ATRN: variants seen among roughly 807,000 people sequenced by gnomAD.
The protein encoded by ATRN is attractin-2.
ATRN carries 54 observed loss-of-function variants against 178.7 expected under a neutral mutation model. The ratio of observed to expected loss-of-function variants is 0.30; its 90% CI spans 0.24 to 0.38. ATRN has a LOEUF of 0.38. Ranked by LOEUF, ATRN falls within the 10% of genes least tolerant of loss-of-function variation. The probability of loss-of-function intolerance (pLI) is 1.00; values close to 1 mark genes in which losing one functional copy is unlikely to be tolerated. For synonymous variants in ATRN, 636 were observed against 663.0 expected (o/e 0.96, Z 0.63); for missense variants, 1,443 against 1,815.1 (o/e 0.79, Z 3.73).
At chr20:3,507,872 C>T (rs151249064) in intron 1 of ATRN, among the ~76,000 whole-genome samples, 5 of 151,528 alleles carry the variant, frequency 3.3e-5, no homozygotes, top group Admixed American at 1.3e-4. Context: ...TAGTGAAATA[C>T]GAAAATTAGT....
At chr20:3,569,355 C>CTGTA (rs2086083929) in intron 11 of ATRN, among the ~76,000 whole-genome samples, 5 of 152,086 alleles carry the variant, frequency 3.3e-5, no homozygotes, top group Admixed American at 3.3e-4. Flanking sequence ...ATACTCAATA[C>CTGTA]TGTAGGTCAT....
intron 1 of ATRN, among the ~76,000 whole-genome samples, chr20:3,475,543 C>T (rs189754951): frequency 3.2e-4 from 49 of 152,326 alleles, no homozygotes; most frequent in African/African-American, 1.1e-3. Flanking sequence ...ATTTCTAAGG[C>T]AGTACCACTT....
Position 3,628,129 on chromosome 20 carries a change from G to A in ATRN, c.3863+3557G>A, listed in dbSNP as rs991672556. Reference sequence around the variant, plus strand: ...AGAGCTTGCTGTGAGCCGAGATCGCGCCACTGCACTCCAACCTGGGCAACA... The same window carrying A: ...AGAGCTTGCTGTGAGCCGAGATCGCACCACTGCACTCCAACCTGGGCAACA... On this transcript the variant is annotated intron_variant, in intron 25 of 28. Transcript: ENST00000262919. Among the ~76,000 whole-genome samples, 6 of 152,200 alleles carry A rather than the reference G, an allele frequency of 3.9e-5. No individual in the cohort carries two copies. In the South Asian group the frequency reaches 1.0e-3, roughly 26 times the overall value.
intron 1 of ATRN, among the ~76,000 whole-genome samples, chr20:3,522,377 T>C (rs565077455): frequency 1.7e-4 from 26 of 152,308 alleles, no homozygotes. Flanking sequence ...TCCTTCTCTC[T>C]GGGCAGGGCA....
intron 24 of ATRN, chr20:3,615,848 A>G (rs745898568): frequency 8.8e-5 from 40 of 454,420 alleles, no homozygotes; most frequent in Non-Finnish European, 1.6e-4. Flanking sequence ...AACAATGAGG[A>G]CGCATGGACA....
intron 6 of ATRN, among the ~76,000 whole-genome samples, chr20:3,551,721 C>T (rs1211083501): frequency 2.0e-5 from 3 of 151,978 alleles, no homozygotes; most frequent in Non-Finnish European, 4.4e-5. Context: ...ACCACCTTTC[C>T]TTCTGTTTTC....
intron 16 of ATRN, 79 bp from the exon 17 acceptor site, chr20:3,583,817 AAG>A: frequency 2.1e-6 from 3 of 1,405,968 alleles, no homozygotes; most frequent in South Asian, 2.7e-5. Context: ...AAAAAAAAAA[AAG>A]AAAAGAAAGA....
intron 25 of ATRN, among the ~76,000 whole-genome samples, chr20:3,626,231 CAAAAAA>C (rs3084195): frequency 1.3e-4 from 13 of 99,538 alleles, no homozygotes; most frequent in African/African-American, 4.2e-4. Flanking sequence ...GACCCTGTCT[CAAAAAA>C]AAAAAAAAAA....
In ATRN at chr20:3,632,881, C is replaced by G. The variant is rs2086999044; in HGVS notation, c.3864-1430C>G. ...GACAATGTAGGCCAGTCACGTGAGG[C>G]CTGTAATCTTTGCCAAGGCAGGCAG... is the stretch of plus-strand genomic sequence containing the variant. On this transcript the variant is annotated intron_variant, in intron 25 of 28. Transcript: ENST00000262919. The surrounding 1 kb of genome is among the most constrained non-coding windows in gnomAD (Gnocchi z 4.2). 1.3e-5 allele frequency among the ~76,000 whole-genome samples: 2 copies of G among 152,184 alleles called. No homozygotes were observed. The highest frequency in any genetic ancestry group is 4.8e-5 in the African/African-American group (2 of 41,432).
intron 24 of ATRN, among the ~76,000 whole-genome samples, chr20:3,617,400 A>G (rs960857930): frequency 2.0e-5 from 3 of 152,162 alleles, no homozygotes; most frequent in Admixed American, 6.5e-5. Context: ...GATCATAGGG[A>G]AAGTAAGTGT....
chr20:3,482,697 A>C (rs1568679848), intron 1 of ATRN, among the ~76,000 whole-genome samples: 1 of 152,188 alleles, frequency 6.6e-6, no homozygotes, highest in Non-Finnish European at 1.5e-5. Context: ...CTTATATATA[A>C]ATATCATTGT....
intron 1 of ATRN, among the ~76,000 whole-genome samples, chr20:3,503,789 G>A (rs1364077265): frequency 6.6e-6 from 1 of 152,276 alleles, no homozygotes; most frequent in East Asian, 1.9e-4. Flanking sequence ...GTCTAAAAGA[G>A]TGTTTGAAAG....
chr20:3,615,805 A>G (rs768134258), intron 24 of ATRN: 1 of 455,054 alleles, frequency 2.2e-6, no homozygotes, highest in South Asian at 1.6e-5. Flanking sequence ...AAAAAACTGA[A>G]CACCGCTTGT....
chr20:3,581,987 C>A, intron 15 of ATRN, 148 bp from the exon 16 acceptor site: 1 of 681,900 alleles, frequency 1.5e-6, no homozygotes, highest in Non-Finnish European at 2.5e-6. Flanking sequence ...TGCCTATAAT[C>A]TCAACATTTT....
chr20:3,579,908 A>G (rs965414565), intron 15 of ATRN, among the ~76,000 whole-genome samples: 9 of 152,262 alleles, frequency 5.9e-5, no homozygotes, highest in Non-Finnish European at 8.8e-5. Flanking sequence ...CTATAGGGCC[A>G]TTCTGAGACT....
intron 2 of ATRN, among the ~76,000 whole-genome samples, chr20:3,536,376 G>GT (rs2085533493): frequency 6.6e-6 from 1 of 151,704 alleles, no homozygotes; most frequent in Admixed American, 6.6e-5. Context: ...GCCCAGCTAA[G>GT]TTTTTGTATC....
At chr20:3,583,362 C>T (rs1485173135) in intron 16 of ATRN, among the ~76,000 whole-genome samples, 2 of 152,244 alleles carry the variant, frequency 1.3e-5, no homozygotes, top group African/African-American at 4.8e-5. Context: ...ACTGTTTCCT[C>T]ATCTTTGTCC....
intron 20 of ATRN, among the ~76,000 whole-genome samples, 153 bp from the exon 21 acceptor site, chr20:3,596,224 C>T (rs1031998114): frequency 6.6e-5 from 10 of 152,226 alleles, no homozygotes; most frequent in African/African-American, 2.4e-4. Flanking sequence ...CATGCATGCT[C>T]TTCCTAGACT....
chr20:3,492,520 A>G (rs2084809021), intron 1 of ATRN, among the ~76,000 whole-genome samples: 1 of 152,126 alleles, frequency 6.6e-6, no homozygotes, highest in Admixed American at 6.5e-5. Context: ...GGTGTTAGCA[A>G]TAAGACTACC....
Sources: gnomAD v4.1 joint callset for allele counts (sites outside exome capture counted in the v4.1 genomes callset) on GRCh38, gnomAD v4.1.1 for gene constraint, Gnocchi (gnomAD v3.1) non-coding constraint, MANE v1.5 for transcripts, NCBI Gene and HGNC (gene_info 2026-07-23, HGNC 2026-07-21) for gene names.